Variants in DCDC2 observed in about 807,000 individuals in gnomAD.
DCDC2 encodes doublecortin domain-containing protein 2.
Under a neutral mutation model 50.2 loss-of-function variants are expected in DCDC2, and 40 were observed. The ratio of observed to expected loss-of-function variants is 0.80; its 90% CI spans 0.62 to 1.04. The LOEUF (loss-of-function observed/expected upper bound fraction) is 1.04. Among genes scored for constraint, DCDC2 ranks in the 50% least tolerant of loss-of-function variants. The pLI is 0.00. For missense variants in DCDC2, 570 were observed against 581.9 expected, an observed-to-expected ratio of 0.98 and a Z score of 0.21; for synonymous variants, 234 against 210.6, an observed-to-expected ratio of 1.11 and a Z score of -0.96.
chr6:24,222,305 C>T lies in DCDC2; in HGVS notation c.923-17203G>A, dbSNP rs372557022. Among the ~76,000 whole-genome samples, 133 of 152,222 alleles carry T rather than the reference C, an allele frequency of 8.7e-4. No individual in the cohort carries two copies. In the South Asian group the frequency reaches 0.026, roughly 30 times the overall value. ...AAAGAAAAAAGCTTCATGTTTTTTG[C>T]TTAATGAAAGAACAGTCAAGAACTT... is the stretch of plus-strand genomic sequence containing the variant. On this transcript the variant is annotated intron_variant, in intron 7 of 9. Coordinates refer to ENST00000378454, the MANE Select transcript of DCDC2 (RefSeq NM_016356.5).
At chr6:24,359,247 A>ATTATATATAATATATATTTTATATT (rs1760592469), upstream of DCDC2, among the ~76,000 whole-genome samples, 1 of 74,938 alleles carries the variant, frequency 1.3e-5, no homozygotes, top group Non-Finnish European at 2.2e-5. Context: ...TATTTTATAT[A>ATTATATATAATATATATTTTATATT]TTATATATAA....
intron 2 of DCDC2, among the ~76,000 whole-genome samples, chr6:24,351,976 T>C (rs749899614): frequency 6.6e-6 from 1 of 151,986 alleles, no homozygotes; most frequent in Admixed American, 6.6e-5. Flanking sequence ...TGGTGGCACG[T>C]GCCTGTAATC....
At chr6:24,239,915 GAAGAAAACATAC>G (rs1181800646) in intron 7 of DCDC2, among the ~76,000 whole-genome samples, 1 of 151,964 alleles carries the variant, frequency 6.6e-6, no homozygotes, top group Non-Finnish European at 1.5e-5. Flanking sequence ...AAATCACTTG[GAAGAAAACATAC>G]ATATAATAAT....
intron 9 of DCDC2, among the ~76,000 whole-genome samples, chr6:24,177,637 T>C (rs898807302): frequency 3.1e-4 from 47 of 152,348 alleles, no homozygotes; most frequent in African/African-American, 1.1e-3. Context: ...AGGATCATAT[T>C]GTCCCGTGGA....
intron 7 of DCDC2, among the ~76,000 whole-genome samples, chr6:24,254,192 A>C (rs1762848895): frequency 1.3e-5 from 2 of 152,194 alleles, no homozygotes; most frequent in Non-Finnish European, 2.9e-5. Context: ...CTCCTATGAT[A>C]ATAATGCCCT....
At chr6:24,271,670 TA>T (rs1360690650) in intron 7 of DCDC2, among the ~76,000 whole-genome samples, 1 of 152,170 alleles carries the variant, frequency 6.6e-6, no homozygotes, top group Non-Finnish European at 1.5e-5. Flanking sequence ...CTTGGCATTC[TA>T]AAGTGGAGCT....
At chr6:24,215,373 G>A (rs1362725678) in intron 7 of DCDC2, among the ~76,000 whole-genome samples, 7 of 152,138 alleles carry the variant, frequency 4.6e-5, no homozygotes, top group Admixed American at 4.6e-4. Flanking sequence ...TGATCATGAA[G>A]ATAATGAAGA....
chr6:24,303,521 C>G (rs1266509348), intron 2 of DCDC2, among the ~76,000 whole-genome samples: 1 of 152,148 alleles, frequency 6.6e-6, no homozygotes, highest in Non-Finnish European at 1.5e-5. Flanking sequence ...CAGTTATCAC[C>G]AATCATTCCC....
At chr6:24,374,259 G>A in the DCDC2 span, among the ~76,000 whole-genome samples, 1 of 151,594 alleles carries the variant, frequency 6.6e-6, no homozygotes, top group Non-Finnish European at 1.5e-5. Context: ...AGAGAGTAAT[G>A]GGAGCAATAA....
At chr6:24,305,797 G>A (rs193223407) in intron 2 of DCDC2, among the ~76,000 whole-genome samples, 2 of 149,740 alleles carry the variant, frequency 1.3e-5, no homozygotes, top group East Asian at 1.9e-4. Context: ...GAGGCCAAGG[G>A]GGGGTGGATC....
intron 2 of DCDC2, among the ~76,000 whole-genome samples, chr6:24,320,026 G>C (rs1759743170): frequency 6.6e-6 from 1 of 152,048 alleles, no homozygotes; most frequent in South Asian, 2.1e-4. Flanking sequence ...AAAGAGCTTG[G>C]GAAAACGGTA....
chr6:24,281,487 G>GAAA (rs59842458), intron 6 of DCDC2, among the ~76,000 whole-genome samples: 75 of 83,726 alleles, frequency 9.0e-4, no homozygotes, highest in Non-Finnish European at 1.1e-3. Context: ...ATGCTTTTAA[G>GAAA]AAAAAAAAAA....
chr6:24,347,365 C>T (rs893843227), intron 2 of DCDC2, among the ~76,000 whole-genome samples: 10 of 152,112 alleles, frequency 6.6e-5, no homozygotes, highest in South Asian at 2.1e-4. Context: ...ACAACCACAA[C>T]GCCTAGCACA....
chr6:24,321,060 A>T (rs1759766012), intron 2 of DCDC2, among the ~76,000 whole-genome samples: 3 of 152,164 alleles, frequency 2.0e-5, no homozygotes, highest in Admixed American at 2.0e-4. Context: ...CAACAAAACG[A>T]ATGATATTAT....
At chr6:24,256,328 T>C (rs1470999371) in intron 7 of DCDC2, among the ~76,000 whole-genome samples, 1 of 151,804 alleles carries the variant, frequency 6.6e-6, no homozygotes, top group Non-Finnish European at 1.5e-5. Flanking sequence ...ATTTCATCTG[T>C]GGACATTCAT....
the DCDC2 span, among the ~76,000 whole-genome samples, chr6:24,363,368 G>A: frequency 7.2e-5 from 11 of 152,222 alleles, no homozygotes; most frequent in Admixed American, 7.2e-4. Context: ...GGGCATAGTG[G>A]CATGCTCCTG....
chr6:24,281,228 A>G (rs1246217315), intron 6 of DCDC2, among the ~76,000 whole-genome samples: 1 of 152,198 alleles, frequency 6.6e-6, no homozygotes, highest in Non-Finnish European at 1.5e-5. Context: ...GTTGACACTC[A>G]TGCATTCAAT....
upstream of DCDC2, among the ~76,000 whole-genome samples, chr6:24,362,775 A>G (rs2127262292): frequency 6.6e-6 from 1 of 152,272 alleles, no homozygotes; most frequent in South Asian, 2.1e-4. Flanking sequence ...ATGGACCCTC[A>G]TCTACTCATT....
At chr6:24,371,889 C>A in the DCDC2 span, among the ~76,000 whole-genome samples, 1 of 152,268 alleles carries the variant, frequency 6.6e-6, no homozygotes, top group Non-Finnish European at 1.5e-5. Context: ...TCATCACTGG[C>A]CATCAGAGAA....
Sources: allele counts gnomAD v4.1 joint callset (sites outside exome capture counted in the v4.1 genomes callset), GRCh38; gene constraint gnomAD v4.1.1; transcripts MANE v1.5; gene names NCBI Gene and HGNC (gene_info 2026-07-23, HGNC 2026-07-21).